Variants in LHFPL4 observed in about 807,000 individuals in gnomAD.
LHFPL4 encodes the protein LHFPL tetraspan subfamily member 4 protein.
A neutral mutation model predicts 20.0 loss-of-function variants in LHFPL4; 6 were observed. The observed-to-expected ratio is 0.30, with a 90% CI of 0.16 to 0.59. The LOEUF (loss-of-function observed/expected upper bound fraction) is 0.59, where lower values mean the gene tolerates loss of function less well. LHFPL4 is among the 20% of genes least tolerant of loss of function. The pLI is 0.88. For synonymous variants in LHFPL4, 129 were observed against 143.8 expected, an observed-to-expected ratio of 0.90 and a Z score of 0.74; for missense variants, 215 against 331.2, an observed-to-expected ratio of 0.65 and a Z score of 2.72.
intron 2 of LHFPL4, among the ~76,000 whole-genome samples, chr3:9,518,223 AT>A (rs369544042): frequency 1.3e-3 from 193 of 152,246 alleles, no homozygotes; most frequent in African/African-American, 4.5e-3. Flanking sequence ...TTGTTTTTTA[AT>A]GCTAAACCAG....
chr3:9,514,063 A>G (rs1359794211), intron 2 of LHFPL4, among the ~76,000 whole-genome samples: 1 of 152,242 alleles, frequency 6.6e-6, no homozygotes, highest in Non-Finnish European at 1.5e-5. Context: ...TTACGGTGGT[A>G]TCTATGCCAT....
intron 2 of LHFPL4, among the ~76,000 whole-genome samples, chr3:9,549,207 A>G (rs1165531882): frequency 2.6e-5 from 4 of 152,220 alleles, no homozygotes; most frequent in Non-Finnish European, 5.9e-5. Flanking sequence ...GCTCCCTGAG[A>G]GCAGGAATTG....
At chr3:9,512,563 T>G (rs932385136) in intron 2 of LHFPL4, among the ~76,000 whole-genome samples, 3 of 152,222 alleles carry the variant, frequency 2.0e-5, no homozygotes, top group Admixed American at 6.5e-5. Flanking sequence ...TCATCCCTTC[T>G]TCCTTAGTAT....
intron 2 of LHFPL4, among the ~76,000 whole-genome samples, chr3:9,542,806 CAA>C (rs148495276): frequency 4.2e-4 from 33 of 78,432 alleles, no homozygotes; most frequent in Admixed American, 7.4e-4. Flanking sequence ...GGCCCTATCT[CAA>C]AAAAAAAAAA....
chr3:9,524,764 C>A (rs769339628), intron 2 of LHFPL4, among the ~76,000 whole-genome samples: 1 of 152,132 alleles, frequency 6.6e-6, no homozygotes, highest in Non-Finnish European at 1.5e-5. Context: ...CACATATTTG[C>A]TCTGTCTCTT....
intron 2 of LHFPL4, among the ~76,000 whole-genome samples, chr3:9,516,849 G>T (rs1329764535): frequency 7.6e-6 from 1 of 131,490 alleles, no homozygotes; most frequent in Non-Finnish European, 1.5e-5. Context: ...GCTCAATCTT[G>T]GCTTACTTCC....
intron 2 of LHFPL4, among the ~76,000 whole-genome samples, chr3:9,513,505 A>G (rs1300321736): frequency 6.6e-6 from 1 of 151,874 alleles, no homozygotes; most frequent in Non-Finnish European, 1.5e-5. Context: ...CTAATTAAAA[A>G]TTATTTTGGT....
chr3:9,515,200 T>C (rs1444854718), intron 2 of LHFPL4, among the ~76,000 whole-genome samples: 1 of 152,214 alleles, frequency 6.6e-6, no homozygotes, highest in African/African-American at 2.4e-5. Flanking sequence ...TTCTAATAAG[T>C]ATGTAGTGCT....
In LHFPL4 at chr3:9,502,275, G is replaced by A. The variant is rs375830972; in HGVS notation, c.680C>T (p.Pro227Leu). Residue 227 changes from proline to leucine, a missense_variant, in exon 4 of 4, where the codon CCC becomes CTC. This residue lies in a region of LHFPL4 where 51 missense variants were observed against 44.5 expected (regional missense o/e 1.15). Transcript: ENST00000287585. ...TCCCCATCCAGAGACATCACCCCCGGGCCGCAACACGGAGCTTACTGTAGA... is the reference window on the plus strand; with the variant it reads ...TCCCCATCCAGAGACATCACCCCCGAGCCGCAACACGGAGCTTACTGTAGA... ...VGSTVSSVLR[P>L]GGDVSGWGVL... The A allele has an allele frequency of 4.3e-6, 7 of 1,613,796 alleles. No individual in the cohort carries two copies. Among genetic ancestry groups the A allele is most frequent in the Non-Finnish European group, 5.9e-6 (7 of 1,179,892 alleles).
At chr3:9,523,450 CTTTATTTATTTA>C (rs199544534) in intron 2 of LHFPL4, among the ~76,000 whole-genome samples, 27 of 147,846 alleles carry the variant, frequency 1.8e-4, no homozygotes, top group Admixed American at 6.0e-4. Context: ...GAGACAGAGT[CTTTATTTATTTA>C]TTTATTTATT....
chr3:9,526,806 G>A (rs559473641), intron 2 of LHFPL4, among the ~76,000 whole-genome samples: 3 of 152,198 alleles, frequency 2.0e-5, no homozygotes, highest in Non-Finnish European at 2.9e-5. Context: ...CACAAAGGAA[G>A]GCTGACAGCC....
At chr3:9,507,657 T>G (rs1052841592) in intron 2 of LHFPL4, among the ~76,000 whole-genome samples, 3 of 152,212 alleles carry the variant, frequency 2.0e-5, no homozygotes, top group African/African-American at 7.2e-5. Context: ...AATGGTTCCC[T>G]AGCTAGCATC....
At chr3:9,513,185 C>T (rs1435632002) in intron 2 of LHFPL4, among the ~76,000 whole-genome samples, 4 of 152,192 alleles carry the variant, frequency 2.6e-5, no homozygotes, top group Non-Finnish European at 5.9e-5. Flanking sequence ...TGGTCTCGAT[C>T]TCTTGACCTC....
At chr3:9,543,271 G>A (rs2046489149) in intron 2 of LHFPL4, among the ~76,000 whole-genome samples, 1 of 151,980 alleles carries the variant, frequency 6.6e-6, no homozygotes, top group East Asian at 1.9e-4. Flanking sequence ...GGAGGCCGAG[G>A]TGGGCGGATC....
At position 9,552,732 on chromosome 3, in the gene LHFPL4, C is replaced by G. The variant is rs935431562; in HGVS notation, c.-53G>C. On this transcript the variant is annotated 5_prime_UTR_variant, in exon 2 of 4. Transcript: ENST00000287585. ...CGGCGGCTGGCGGGGGCCGCCGGCC[C>G]GGGACGGAGCGCCGGGCTGCCGGGC... is the stretch of plus-strand genomic sequence containing the variant. 9.1e-7 allele frequency: 1 copy of G among 1,097,146 alleles called. No individual in the cohort carries two copies. The highest frequency in any genetic ancestry group is 1.1e-6 in the Non-Finnish European group (1 of 883,776). The allele number at this position is 1,097,146 out of a possible 1,614,324, so 68.0% of individuals were successfully genotyped here. A position where few individuals can be genotyped will look rare whatever the true frequency, so the allele number is the denominator to read the frequency against.
chr3:9,512,958 T>C (rs1027055540), intron 2 of LHFPL4, among the ~76,000 whole-genome samples: 1 of 152,070 alleles, frequency 6.6e-6, no homozygotes, highest in African/African-American at 2.4e-5. Flanking sequence ...TGTTTGTTTG[T>C]TTGTTTGTTT....
At chr3:9,541,509 C>T (rs779250089) in intron 2 of LHFPL4, among the ~76,000 whole-genome samples, 1 of 152,108 alleles carries the variant, frequency 6.6e-6, no homozygotes, top group Non-Finnish European at 1.5e-5. Flanking sequence ...CCATGGCTCG[C>T]GCCTGTAATC....
At chr3:9,509,012 C>A (rs1361192318) in intron 2 of LHFPL4, among the ~76,000 whole-genome samples, 5 of 152,224 alleles carry the variant, frequency 3.3e-5, no homozygotes, top group Non-Finnish European at 5.9e-5. Flanking sequence ...TGGCTCCCGC[C>A]AGGAGCATCC....
In LHFPL4 at chr3:9,541,641, G is replaced by A. The variant is rs141261129; in HGVS notation, c.406+10633C>T. On this transcript the variant is annotated intron_variant, in intron 2 of 3. Transcript: ENST00000287585. ...GCAGAAATTAGCCAAGTGTGGTGGC[G>A]TGTGCCTGTAATCCCATCTAATAGG... Among the ~76,000 whole-genome samples the A allele has an allele frequency of 2.8e-4, 42 of 151,442 alleles. No individual in the cohort carries two copies. The East Asian group carries it at 6.2e-3, about 22-fold the overall frequency.
Sources: allele counts gnomAD v4.1 joint callset (sites outside exome capture counted in the v4.1 genomes callset), GRCh38; gene constraint gnomAD v4.1.1; regional missense constraint gnomAD v4.1.1; transcripts MANE v1.5; gene names NCBI Gene and HGNC (gene_info 2026-07-23, HGNC 2026-07-21).